Variants in CCNB1 observed in about 807,000 individuals in gnomAD.
CCNB1 encodes the protein G2/mitotic-specific cyclin-B1.
Under a neutral mutation model 44.4 loss-of-function variants are expected in CCNB1, and 26 were observed. The ratio of observed to expected loss-of-function variants is 0.59; its 90% CI spans 0.43 to 0.81. The LOEUF is 0.81. Ranked by LOEUF, CCNB1 falls within the 40% of genes least tolerant of loss-of-function variation. The pLI, the probability that CCNB1 is intolerant of heterozygous loss-of-function variation, is 0.00. For synonymous variants in CCNB1, 195 were observed against 181.4 expected, an observed-to-expected ratio of 1.08 and a Z score of -0.60; for missense variants, 477 against 520.9, an observed-to-expected ratio of 0.92 and a Z score of 0.82.
At chr5:69,167,429 C>G (rs1438654993) in intron 1 of CCNB1, 146 bp downstream of exon 1, 8 of 803,304 alleles carry the variant, frequency 1.0e-5, no homozygotes, top group African/African-American at 1.7e-5. Flanking sequence ...AAGAGAGCGC[C>G]GAGGTGGGCC....
chr5:69,177,063 A>G, intron 7 of CCNB1, 176 bp from the exon 8 acceptor site: 1 of 478,172 alleles, frequency 2.1e-6, no homozygotes, highest in Admixed American at 3.7e-5. Flanking sequence ...ATTAGGTTTG[A>G]GCAGAGGAAG....
At chr5:69,176,526 TTA>T (rs200033469) in intron 7 of CCNB1, among the ~76,000 whole-genome samples, 69 of 130,856 alleles carry the variant, frequency 5.3e-4, no homozygotes, top group African/African-American at 1.9e-3. Flanking sequence ...CCGGCTAATT[TTA>T]TATATATATA....
intron 3 of CCNB1, among the ~76,000 whole-genome samples, chr5:69,170,095 C>T (rs1296352489): frequency 1.1e-4 from 17 of 151,964 alleles, no homozygotes; most frequent in Non-Finnish European, 2.2e-4. Context: ...TCCTGAGTAG[C>T]TGGGATTACA....
chr5:69,177,468 G>C lies in CCNB1; in HGVS notation c.1195-56G>C, dbSNP rs568291895. On this transcript the variant is annotated intron_variant, in intron 8 of 8. Coordinates refer to ENST00000256442, the MANE Select transcript of CCNB1 (RefSeq NM_031966.4). ...GTTTTAAATGAATACCTGTATCATTGCATCTTGTGATTTTTTTTCTTTTGC... is the reference window on the plus strand; with the variant it reads ...GTTTTAAATGAATACCTGTATCATTCCATCTTGTGATTTTTTTTCTTTTGC... The C allele has an allele frequency of 5.5e-6, 7 of 1,278,824 alleles. No homozygotes were observed. The African/African-American group carries it at 6.0e-5, about 11-fold the overall frequency. 79.2% of individuals were successfully genotyped at this position (1,278,824 alleles called of 1,614,324 possible).
At chr5:69,176,502 G>A (rs961751756) in intron 7 of CCNB1, among the ~76,000 whole-genome samples, 2 of 150,820 alleles carry the variant, frequency 1.3e-5, no homozygotes, top group South Asian at 2.1e-4. Context: ...GACTACAGGT[G>A]CCTGCCACCA....
Position 69,175,552 on chromosome 5 carries a change from A to G in CCNB1, c.1083+15A>G. 6.2e-7 allele frequency: 1 copy of G among 1,610,736 alleles called. No individual in the cohort carries two copies. Among genetic ancestry groups the G allele is most frequent in the South Asian group, 1.1e-5 (1 of 90,144 alleles). ...ATGGTGAATGGGTAAGCTGTGTCCC[A>G]CAGAACTCCTAAGCTTTTAAATTTT... On this transcript the variant is annotated intron_variant, in intron 7 of 8. Transcript: ENST00000256442.
In CCNB1 at chr5:69,177,124, A is replaced by T. The variant is rs1747612899; in HGVS notation, c.1084-115A>T. 5.4e-6 allele frequency: 3 copies of T among 552,804 alleles called. No homozygotes were observed. In the South Asian group the frequency reaches 8.3e-5, roughly 15 times the overall value. The allele number at this position is 552,804 out of a possible 1,614,324, so 34.2% of individuals were successfully genotyped here. A position where few individuals can be genotyped will look rare whatever the true frequency, so the allele number is the denominator to read the frequency against. On this transcript the variant is annotated intron_variant, in intron 7 of 8. Coordinates refer to ENST00000256442, the MANE Select transcript of CCNB1 (RefSeq NM_031966.4). ...TTTAGCTTTGTCTTAAATTTCAGTT[A>T]TATTAATTATACAGTACCCATCTCT...
At position 69,177,662 on chromosome 5, in the gene CCNB1, A is replaced by T. The variant is rs1747627453; in HGVS notation, c.*31A>T. The T allele has an allele frequency of 2.9e-6, 4 of 1,360,290 alleles. No individual in the cohort carries two copies. The highest frequency in any genetic ancestry group is 3.1e-6 in the Non-Finnish European group (3 of 956,500). The allele number at this position is 1,360,290 out of a possible 1,614,324, so 84.3% of individuals were successfully genotyped here. The stretch of plus-strand genomic sequence containing the variant: ...AAACTTGAGTTGGAGTACTATATTT[A>T]CAAATAAAATTGGCACCATGTGCCA... On this transcript the variant is annotated 3_prime_UTR_variant, in exon 9 of 9. Transcript: ENST00000256442.
rs561476879 is a variant in CCNB1, at chr5:69,176,340, G to T, written c.1083+803G>T. On this transcript the variant is annotated intron_variant, in intron 7 of 8. Transcript: ENST00000256442. ...GATTCAACAAATGCTTCTCCTATGT[G>T]ACAGGCACTACCCTAGGTCTTTTTT... is the stretch of plus-strand genomic sequence containing the variant. Among the ~76,000 whole-genome samples, 6 of 151,662 alleles carry T rather than the reference G, an allele frequency of 4.0e-5. No individual in the cohort carries two copies. The South Asian group carries it at 1.2e-3, about 31-fold the overall frequency.
rs201559153 is a variant in CCNB1 at position 69,168,132 on chromosome 5, T to C, written c.193-41T>C. On this transcript the variant is annotated intron_variant, in intron 2 of 8. Coordinates refer to ENST00000256442, the MANE Select transcript of CCNB1 (RefSeq NM_031966.4). The stretch of plus-strand genomic sequence containing the variant: ...AAGAGCCCGCCTTCCAACTGTGGCC[T>C]TTGATGCAGAAACATTTCATTCTCT... The C allele has an allele frequency of 3.5e-5, 57 of 1,611,400 alleles. No individual in the cohort carries two copies. In the African/African-American group the frequency reaches 7.1e-4, roughly 20 times the overall value.
At chr5:69,169,585 A>G (rs1488584253) in intron 3 of CCNB1, among the ~76,000 whole-genome samples, 1 of 152,090 alleles carries the variant, frequency 6.6e-6, no homozygotes, top group East Asian at 1.9e-4. Context: ...ATCCTTGAAA[A>G]CAGCTCAAGC....
intron 1 of CCNB1, 143 bp from the exon 2 acceptor site, chr5:69,167,765 A>G (rs1747367415): frequency 4.4e-6 from 3 of 675,738 alleles, no homozygotes; most frequent in Non-Finnish European, 7.3e-6. Context: ...CGCAGAGTAG[A>G]CTCTGGGACC....
chr5:69,174,516 C>A, intron 5 of CCNB1, 107 bp downstream of exon 5: 4 of 1,025,496 alleles, frequency 3.9e-6, no homozygotes, highest in South Asian at 3.0e-5. Flanking sequence ...GTAATCCCAG[C>A]GGGCGGGTGG....
At chr5:69,167,380 C>T (rs752836347) in intron 1 of CCNB1, 97 bp downstream of exon 1, 3 of 1,430,916 alleles carry the variant, frequency 2.1e-6, no homozygotes, top group Non-Finnish European at 2.9e-6. Context: ...GAGAGGGCCG[C>T]AGGAGCGATT....
At position 69,171,468 on chromosome 5, in the gene CCNB1, C is replaced by T. The variant is rs113314557; in HGVS notation, c.546+16C>T. Reference sequence around the variant, plus strand: ...ACAACTTGAGGTAAGTATTATCATTCGTTTTTTTTCTAAACTGCATCTAAC... The same window carrying T: ...ACAACTTGAGGTAAGTATTATCATTTGTTTTTTTTCTAAACTGCATCTAAC... On this transcript the variant is annotated intron_variant, in intron 4 of 8. Transcript: ENST00000256442. 4.8e-5 allele frequency: 75 copies of T among 1,546,962 alleles called. No homozygotes were observed. The African/African-American group carries it at 7.7e-4, about 16-fold the overall frequency.
chr5:69,172,581 T>A (rs781265739), intron 4 of CCNB1, among the ~76,000 whole-genome samples: 4 of 152,018 alleles, frequency 2.6e-5, no homozygotes, highest in African/African-American at 4.8e-5. Flanking sequence ...ATGTGTTGTC[T>A]TATGTCATCA....
At chr5:69,169,665 C>G (rs940134314) in intron 3 of CCNB1, among the ~76,000 whole-genome samples, 3 of 151,504 alleles carry the variant, frequency 2.0e-5, no homozygotes, top group Non-Finnish European at 4.4e-5. Context: ...TCTTTTTTTT[C>G]CCTTTGAGAC....
chr5:69,176,542 A>ATAT (rs1554057063), intron 7 of CCNB1, among the ~76,000 whole-genome samples: 83 of 146,138 alleles, frequency 5.7e-4, no homozygotes, highest in African/African-American at 1.9e-3. Context: ...ATATATATAT[A>ATAT]TTTTTTTTTA....
At chr5:69,177,016 G>C in intron 7 of CCNB1, 1 of 379,958 alleles carries the variant, frequency 2.6e-6, no homozygotes, top group Non-Finnish European at 4.7e-6. Flanking sequence ...GTGGAGTCTA[G>C]TTTTAGGGTG....
Sources: gnomAD v4.1 joint callset for allele counts (sites outside exome capture counted in the v4.1 genomes callset) on GRCh38, gnomAD v4.1.1 for gene constraint, MANE v1.5 for transcripts, NCBI Gene and HGNC (gene_info 2026-07-23, HGNC 2026-07-21) for gene names.